ATF7: variants seen among roughly 807,000 people sequenced by gnomAD.
ATF7 encodes activating transcription factor 7, also known as cyclic AMP-dependent transcription factor ATF-7.
In ATF7, 10 loss-of-function variants were observed where a neutral mutation model predicts 50.4. The ratio of observed to expected loss-of-function variants is 0.20; its 90% CI spans 0.12 to 0.34. The LOEUF (loss-of-function observed/expected upper bound fraction) is 0.34, where lower values mean the gene tolerates loss of function less well. Ranked by LOEUF, ATF7 falls within the 10% of genes least tolerant of loss-of-function variation. The pLI is 1.00. For missense variants in ATF7, 465 were observed against 613.9 expected (o/e 0.76, Z 2.56); for synonymous variants, 201 against 226.4 (o/e 0.89, Z 1.01).
At chr12:53,535,328 C>CA (rs397938442) in intron 5 of ATF7, among the ~76,000 whole-genome samples, 2,501 of 64,646 alleles carry the variant, frequency 0.039, 36 homozygotes, top group Admixed American at 0.054. Flanking sequence ...GACTCTGCCT[C>CA]AAAAAAAAAA....
intron 2 of ATF7, among the ~76,000 whole-genome samples, chr12:53,573,696 T>C (rs1476964462): frequency 6.6e-6 from 1 of 152,154 alleles, no homozygotes; most frequent in African/African-American, 2.4e-5. Flanking sequence ...TGGAACCATT[T>C]TGAAATACCC....
At chr12:53,564,315 G>A (rs1470763344) in intron 2 of ATF7, among the ~76,000 whole-genome samples, 2 of 152,240 alleles carry the variant, frequency 1.3e-5, no homozygotes, top group African/African-American at 4.8e-5. Flanking sequence ...AGTGGAGGGT[G>A]CAGTGAGCTG....
At chr12:53,604,639 C>T (rs1943531510) in intron 1 of ATF7, among the ~76,000 whole-genome samples, 1 of 152,138 alleles carries the variant, frequency 6.6e-6, no homozygotes, top group Non-Finnish European at 1.5e-5. Context: ...GATGGCCCAA[C>T]TCTAAGCAAG....
intron 5 of ATF7, among the ~76,000 whole-genome samples, chr12:53,535,907 C>G (rs1939192064): frequency 6.6e-6 from 1 of 152,030 alleles, no homozygotes; most frequent in African/African-American, 2.4e-5. Flanking sequence ...AATCGCAGCA[C>G]TTTGGGAGGC....
At chr12:53,607,497 CCA>C (rs1330240337) in intron 1 of ATF7, among the ~76,000 whole-genome samples, 5 of 152,004 alleles carry the variant, frequency 3.3e-5, no homozygotes, top group Non-Finnish European at 5.9e-5. Context: ...GAGCGTTTAA[CCA>C]CAGTCATCTT....
intron 2 of ATF7, among the ~76,000 whole-genome samples, chr12:53,570,258 T>C (rs767789697): frequency 7.2e-5 from 11 of 152,222 alleles, no homozygotes; most frequent in Non-Finnish European, 1.5e-4. Context: ...ATATAGAACC[T>C]GCCACTCCAT....
intron 2 of ATF7, among the ~76,000 whole-genome samples, chr12:53,590,775 C>A (rs1239925443): frequency 6.6e-6 from 1 of 152,140 alleles, no homozygotes; most frequent in Non-Finnish European, 1.5e-5. Context: ...CTTATCTACT[C>A]ACAACTTTAA....
intron 9 of ATF7, among the ~76,000 whole-genome samples, chr12:53,527,250 G>A (rs1330187390): frequency 1.3e-5 from 2 of 152,212 alleles, no homozygotes; most frequent in African/African-American, 4.8e-5. Flanking sequence ...TTGGGAGGCC[G>A]AGGTTGGGAG....
chr12:53,533,968 A>G (rs957715578), intron 6 of ATF7, among the ~76,000 whole-genome samples: 3 of 152,098 alleles, frequency 2.0e-5, no homozygotes, highest in Admixed American at 1.3e-4. Flanking sequence ...GAAGTATTAA[A>G]CCCTTAAATT....
intron 5 of ATF7, among the ~76,000 whole-genome samples, chr12:53,535,115 T>C (rs1167913860): frequency 2.6e-5 from 4 of 152,132 alleles, no homozygotes; most frequent in Non-Finnish European, 5.9e-5. Flanking sequence ...TATGGAAGTT[T>C]GGATAATGAT....
At chr12:53,605,142 A>T (rs1234636489) in intron 1 of ATF7, among the ~76,000 whole-genome samples, 2 of 152,118 alleles carry the variant, frequency 1.3e-5, no homozygotes, top group African/African-American at 2.4e-5. Flanking sequence ...TAATCCCAGC[A>T]CTTTGGGAGG....
At chr12:53,595,701 A>G (rs564569993) in intron 2 of ATF7, among the ~76,000 whole-genome samples, 1 of 152,296 alleles carries the variant, frequency 6.6e-6, no homozygotes, top group South Asian at 2.1e-4. Flanking sequence ...ACAACACCAT[A>G]AACATTATTC....
intron 3 of ATF7, among the ~76,000 whole-genome samples, chr12:53,548,213 C>T (rs1439960987): frequency 6.6e-6 from 1 of 151,992 alleles, no homozygotes; most frequent in Non-Finnish European, 1.5e-5. Context: ...CTCATGTTGC[C>T]CAGGGCTGGC....
intron 1 of ATF7, among the ~76,000 whole-genome samples, chr12:53,625,516 C>A (rs1010601342): frequency 3.3e-5 from 5 of 152,170 alleles, no homozygotes; most frequent in Non-Finnish European, 7.3e-5. Context: ...GAAGCCATGC[C>A]TTATGGCGAC....
chr12:53,539,314 C>T (rs1472938258), intron 4 of ATF7, among the ~76,000 whole-genome samples: 3 of 152,206 alleles, frequency 2.0e-5, no homozygotes, highest in Non-Finnish European at 1.5e-5. Context: ...TGTGGTGGCT[C>T]ATGCCTGTAA....
chr12:53,535,917 C>T (rs1939192792), intron 5 of ATF7, among the ~76,000 whole-genome samples: 1 of 151,548 alleles, frequency 6.6e-6, no homozygotes, highest in Non-Finnish European at 1.5e-5. Flanking sequence ...CTTTGGGAGG[C>T]TGAAGCAAGA....
intron 2 of ATF7, among the ~76,000 whole-genome samples, chr12:53,578,145 G>C (rs1248445951): frequency 6.6e-6 from 1 of 152,174 alleles, no homozygotes; most frequent in East Asian, 1.9e-4. Flanking sequence ...CAGCACGGCA[G>C]ATGGATTGCT....
At chr12:53,527,052 G>A (rs527334961) in intron 9 of ATF7, among the ~76,000 whole-genome samples, 17 of 151,556 alleles carry the variant, frequency 1.1e-4, no homozygotes, top group African/African-American at 3.4e-4. Context: ...CCAGCTACTC[G>A]GGAGGCTGAG....
At position 53,512,607 on chromosome 12, in the gene ATF7, AC is replaced by A. The variant is rs1398341808; in HGVS notation, c.*4529del. The A allele has an allele frequency of 2.0e-5, 3 of 152,202 alleles. No homozygotes were observed. The highest frequency in any genetic ancestry group is 7.2e-5 in the African/African-American group (3 of 41,430). 9.4% of individuals were successfully genotyped at this position (152,202 alleles called of 1,614,324 possible). ...GACAGCTGAAGCTTGGCTGGTCCTT[AC>A]TGTAACAGAGAACATGGAGTGACCA... On this transcript the variant is annotated 3_prime_UTR_variant, in exon 12 of 12. Transcript: ENST00000420353.
Sources: allele counts gnomAD v4.1 joint callset (sites outside exome capture counted in the v4.1 genomes callset), GRCh38; gene constraint gnomAD v4.1.1; transcripts MANE v1.5; gene names NCBI Gene and HGNC (gene_info 2026-07-23, HGNC 2026-07-21).